Variants in INPP4B observed in about 807,000 individuals in gnomAD.
INPP4B encodes inositol polyphosphate-4-phosphatase type II B, also known as inositol polyphosphate 4-phosphatase type II.
INPP4B carries 55 observed loss-of-function variants against 122.5 expected under a neutral mutation model. The observed-to-expected ratio is 0.45, with a 90% confidence interval of 0.36 to 0.56. The LOEUF (loss-of-function observed/expected upper bound fraction) is 0.56, where lower values mean the gene tolerates loss of function less well. INPP4B is among the 20% of genes least tolerant of loss of function. The pLI, the probability that INPP4B is intolerant of heterozygous loss-of-function variation, is 0.00. For synonymous variants in INPP4B, 403 were observed against 388.7 expected, an observed-to-expected ratio of 1.04 and a Z score of -0.43; for missense variants, 1,000 against 1,097.7, an observed-to-expected ratio of 0.91 and a Z score of 1.26.
chr4:142,263,055 C>A (rs1285563863), intron 10 of INPP4B, among the ~76,000 whole-genome samples: 3 of 152,178 alleles, frequency 2.0e-5, no homozygotes, highest in Admixed American at 6.5e-5. Context: ...CATTCCAATA[C>A]AACACAGATC....
At chr4:142,836,595 C>CAA (rs202153859) in intron 1 of INPP4B, among the ~76,000 whole-genome samples, 2 of 150,770 alleles carry the variant, frequency 1.3e-5, no homozygotes, top group African/African-American at 4.9e-5. Flanking sequence ...ATAACAACAA[C>CAA]AAAAAAAGTG....
At position 142,028,580 on chromosome 4, in the gene INPP4B, A is replaced by ATCAT; in HGVS notation, c.*198_*201dup. 1 of 571,648 alleles carries ATCAT rather than the reference A, an allele frequency of 1.7e-6. No homozygotes were observed. The highest frequency in any genetic ancestry group is 3.1e-6 in the Non-Finnish European group (1 of 327,158). 35.4% of individuals were successfully genotyped at this position (571,648 alleles called of 1,614,324 possible). ...TTAGAACTAGAAATGACAGTACTGA[A>ATCAT]TCATGTAAGATTTTTTAAAATGGAT... On this transcript the variant is annotated 3_prime_UTR_variant, in exon 26 of 26. Coordinates refer to ENST00000262992, the MANE Select transcript of INPP4B (RefSeq NM_001101669.3).
chr4:142,294,852 A>AAAAAAAAAAAAAAAAAAAAAAAAC (rs1757961538), intron 9 of INPP4B, among the ~76,000 whole-genome samples: 1 of 148,526 alleles, frequency 6.7e-6, no homozygotes, highest in South Asian at 2.2e-4. Flanking sequence ...AAAAAAAAAA[A>AAAAAAAAAAAAAAAAAAAAAAAAC]AAAAGGCAGA....
intron 14 of INPP4B, among the ~76,000 whole-genome samples, chr4:142,196,345 G>T (rs1464350477): frequency 6.6e-6 from 1 of 151,990 alleles, no homozygotes; most frequent in African/African-American, 2.4e-5. Flanking sequence ...ATTCCTAACT[G>T]CTTGATGGGC....
At chr4:142,217,639 A>G (rs2149657342) in intron 12 of INPP4B, among the ~76,000 whole-genome samples, 1 of 152,288 alleles carries the variant, frequency 6.6e-6, no homozygotes, top group East Asian at 1.9e-4. Flanking sequence ...TGTGATGGTT[A>G]ATTGTACATA....
intron 3 of INPP4B, among the ~76,000 whole-genome samples, chr4:142,455,704 T>G (rs752925054): frequency 2.0e-5 from 3 of 152,034 alleles, no homozygotes; most frequent in Non-Finnish European, 4.4e-5. Flanking sequence ...ATGGTAGCTC[T>G]TTTTAGTCTT....
At chr4:142,504,248 GA>G (rs1166355912) in intron 2 of INPP4B, among the ~76,000 whole-genome samples, 2 of 151,752 alleles carry the variant, frequency 1.3e-5, no homozygotes, top group Non-Finnish European at 2.9e-5. Context: ...GTTCACAGAG[GA>G]AAAAAAGATG....
chr4:142,515,712 A>C (rs1008708070), intron 2 of INPP4B, among the ~76,000 whole-genome samples: 2 of 152,196 alleles, frequency 1.3e-5, no homozygotes, highest in Non-Finnish European at 2.9e-5. Context: ...CATATGTGTA[A>C]GGATATGATG....
At chr4:142,567,470 G>A (rs907951226) in intron 2 of INPP4B, among the ~76,000 whole-genome samples, 41 of 152,244 alleles carry the variant, frequency 2.7e-4, no homozygotes, top group Admixed American at 2.2e-3. Flanking sequence ...TCAGCCTTCC[G>A]ATAAAGGAAG....
intron 18 of INPP4B, among the ~76,000 whole-genome samples, chr4:142,134,210 A>G (rs771157344): frequency 6.6e-6 from 1 of 152,202 alleles, no homozygotes. Flanking sequence ...TTACCATAAA[A>G]CTTTGGAACT....
intron 7 of INPP4B, among the ~76,000 whole-genome samples, chr4:142,331,714 G>T (rs1282490540): frequency 1.3e-5 from 2 of 152,196 alleles, no homozygotes; most frequent in African/African-American, 4.8e-5. Context: ...TGCACGCCAA[G>T]AATCTGGTTT....
chr4:142,562,192 C>T (rs999221714), intron 2 of INPP4B, among the ~76,000 whole-genome samples: 2 of 152,068 alleles, frequency 1.3e-5, no homozygotes, highest in Admixed American at 6.5e-5. Flanking sequence ...GGAAAAGTTA[C>T]CAAGTGTTTT....
chr4:142,455,060 G>A (rs762530060), intron 3 of INPP4B, among the ~76,000 whole-genome samples: 5 of 151,918 alleles, frequency 3.3e-5, no homozygotes, highest in Non-Finnish European at 5.9e-5. Context: ...GTAGGTGTAT[G>A]TATTTATGAG....
chr4:142,845,944 C>A (rs1784145474), intron 1 of INPP4B, among the ~76,000 whole-genome samples: 1 of 151,930 alleles, frequency 6.6e-6, no homozygotes, highest in African/African-American at 2.4e-5. Flanking sequence ...GGCAGAGGGG[C>A]GCTCGGCGAG....
intron 3 of INPP4B, among the ~76,000 whole-genome samples, chr4:142,448,629 C>T (rs909797762): frequency 4.6e-5 from 7 of 152,118 alleles, no homozygotes; most frequent in African/African-American, 7.2e-5. Flanking sequence ...ACCAGAAACA[C>T]GATCCAGATG....
At chr4:142,500,300 T>G (rs1299829818) in intron 2 of INPP4B, among the ~76,000 whole-genome samples, 1 of 152,094 alleles carries the variant, frequency 6.6e-6, no homozygotes, top group African/African-American at 2.4e-5. Context: ...CTCCATCAGG[T>G]GGGTGAGACT....
intron 7 of INPP4B, among the ~76,000 whole-genome samples, chr4:142,342,542 G>A (rs1779024595): frequency 6.6e-6 from 1 of 152,134 alleles, no homozygotes; most frequent in African/African-American, 2.4e-5. Context: ...TGAGGATGGA[G>A]AAATATATTT....
chr4:142,078,019 CT>C (rs1460312067), intron 25 of INPP4B, among the ~76,000 whole-genome samples: 5 of 151,430 alleles, frequency 3.3e-5, no homozygotes, highest in African/African-American at 1.2e-4. Flanking sequence ...CTGTTTTGGT[CT>C]TAATGATACA....
chr4:142,272,658 T>C (rs1175144237), intron 9 of INPP4B, among the ~76,000 whole-genome samples: 1 of 152,024 alleles, frequency 6.6e-6, no homozygotes, highest in Non-Finnish European at 1.5e-5. Context: ...TTTTCCAGTG[T>C]GTCATATTCT....
Sources: allele counts gnomAD v4.1 joint callset (sites outside exome capture counted in the v4.1 genomes callset), GRCh38; gene constraint gnomAD v4.1.1; transcripts MANE v1.5; gene names NCBI Gene and HGNC (gene_info 2026-07-23, HGNC 2026-07-21).